The following GON4L variants were observed in gnomAD, a reference collection of about 807,000 sequenced individuals.
GON4L encodes GON-4-like protein.
In GON4L, 87 loss-of-function variants were observed where a neutral mutation model predicts 211.8. That is an observed-to-expected ratio of 0.41 (90% confidence interval 0.35 to 0.49). The LOEUF is 0.49. Ranked by LOEUF, GON4L falls within the 20% of genes least tolerant of loss-of-function variation. GON4L has a pLI of 0.15. For synonymous variants in GON4L, 875 were observed against 962.6 expected, an observed-to-expected ratio of 0.91 and a Z score of 1.68; for missense variants, 2,155 against 2,659.5, an observed-to-expected ratio of 0.81 and a Z score of 4.17.
chr1:155,813,546 A>G, intron 10 of GON4L, 88 bp downstream of exon 10: 1 of 936,992 alleles, frequency 1.1e-6, no homozygotes, highest in Non-Finnish European at 1.7e-6. Flanking sequence ...ATAAAATTGT[A>G]GTTATCTTTT....
intron 3 of GON4L, among the ~76,000 whole-genome samples, chr1:155,823,452 C>A (rs1668905610): frequency 6.6e-6 from 1 of 152,140 alleles, no homozygotes; most frequent in South Asian, 2.1e-4. Flanking sequence ...TATAACTATC[C>A]TCATATATAA....
rs1304509146 is a variant in GON4L, at chr1:155,853,621, C to G, written c.160G>C (p.Gly54Arg). 1 of 1,614,166 alleles carries G rather than the reference C, an allele frequency of 6.2e-7. No homozygotes were observed. The highest frequency in any genetic ancestry group is 1.1e-5 in the South Asian group (1 of 91,092). ...TGTACTTCGAAGCCAGCTACTCTGCCATGACTTGGATCCCAGGATAGTGAC... is the reference window on the plus strand; with the variant it reads ...TGTACTTCGAAGCCAGCTACTCTGCGATGACTTGGATCCCAGGATAGTGAC... ...SVSLSWDPSH[G>R]RVAGFEVQSL... The change falls in exon 2 of 32, where the codon GGC becomes CGC. Residue 54 changes from glycine (G) to arginine (R), a missense_variant. Physicochemically the swap from Gly to Arg is moderately radical, Grantham distance 125. Coordinates refer to ENST00000368331, the MANE Select transcript of GON4L (RefSeq NM_001282860.2).
intron 21 of GON4L, chr1:155,764,500 C>T (rs1272462358): frequency 2.7e-5 from 7 of 259,964 alleles, no homozygotes; most frequent in Admixed American, 5.1e-5. Context: ...AGAGCAATGA[C>T]GTGATCTCGG....
chr1:155,812,709 C>T lies in GON4L; in HGVS notation c.1452+925G>A, dbSNP rs548717754. On this transcript the variant is annotated intron_variant, in intron 10 of 31. Coordinates refer to ENST00000368331, the MANE Select transcript of GON4L (RefSeq NM_001282860.2). ...TAGCTGGGATTACAGGCATGCGCCA[C>T]GACACCTGGCAAATTTTTGTATTTT... Among the ~76,000 whole-genome samples, 3 of 152,138 alleles carry T rather than the reference C, an allele frequency of 2.0e-5. No homozygotes were observed. The East Asian group carries it at 5.8e-4, about 29-fold the overall frequency.
chr1:155,816,893 T>C (rs1232406077), intron 6 of GON4L, among the ~76,000 whole-genome samples: 3 of 151,328 alleles, frequency 2.0e-5, no homozygotes, highest in African/African-American at 7.3e-5. Flanking sequence ...AAAGCAAATA[T>C]GGCAAAATAT....
intron 27 of GON4L, among the ~76,000 whole-genome samples, chr1:155,755,740 A>C (rs11803678): frequency 0.14 from 20,719 of 152,012 alleles, 2,904 homozygotes; most frequent in African/African-American, 0.36. Context: ...TCTCTCTGTG[A>C]CTTCAGCTCT....
intron 11 of GON4L, among the ~76,000 whole-genome samples, chr1:155,799,557 A>G (rs1054511788): frequency 1.3e-5 from 2 of 152,214 alleles, no homozygotes; most frequent in African/African-American, 4.8e-5. Context: ...CCAGACCAGT[A>G]GTTTCCAATC....
intron 2 of GON4L, among the ~76,000 whole-genome samples, chr1:155,844,459 T>TA (rs1478537554): frequency 2.0e-5 from 3 of 152,034 alleles, no homozygotes; most frequent in Non-Finnish European, 2.9e-5. Flanking sequence ...TGGTTGACCA[T>TA]AAAAAACACC....
chr1:155,790,517 C>T (rs1243415506), intron 12 of GON4L, among the ~76,000 whole-genome samples: 2 of 152,158 alleles, frequency 1.3e-5, no homozygotes, highest in African/African-American at 2.4e-5. Flanking sequence ...GCTGGGATTA[C>T]AGATGTTAGC....
intron 2 of GON4L, among the ~76,000 whole-genome samples, chr1:155,849,845 C>A (rs1335161688): frequency 6.6e-6 from 1 of 150,510 alleles, no homozygotes; most frequent in Non-Finnish European, 1.5e-5. Flanking sequence ...TCTCTCCCGG[C>A]TTCCTGAATT....
intron 2 of GON4L, among the ~76,000 whole-genome samples, chr1:155,840,799 G>A (rs900267317): frequency 2.0e-5 from 3 of 152,218 alleles, no homozygotes; most frequent in Non-Finnish European, 4.4e-5. Flanking sequence ...CTGGGAGGCT[G>A]AGGTGGGTGG....
downstream of GON4L, chr1:155,747,060 A>G: frequency 1.2e-6 from 2 of 1,606,546 alleles, no homozygotes; most frequent in Admixed American, 1.7e-5. Flanking sequence ...AGCCAACTCA[A>G]GGAGGATGAA....
At chr1:155,776,879 T>G (rs143614032) in intron 15 of GON4L, among the ~76,000 whole-genome samples, 1 of 152,262 alleles carries the variant, frequency 6.6e-6, no homozygotes, top group South Asian at 2.1e-4. Flanking sequence ...ACCAAGATGT[T>G]TGCAACTTTA....
chr1:155,752,630 C>G (rs993775936), intron 29 of GON4L, 40 bp from the exon 30 acceptor site: 1 of 1,556,616 alleles, frequency 6.4e-7, no homozygotes, highest in Admixed American at 1.9e-5. Flanking sequence ...CTGTCAGGTT[C>G]AAGATGCACC....
At chr1:155,764,692 G>C in intron 21 of GON4L, 1 of 700,444 alleles carries the variant, frequency 1.4e-6, no homozygotes. Context: ...ACCCACCTCA[G>C]CCTCCCAAAG....
At chr1:155,829,752 T>A (rs1669570677) in intron 2 of GON4L, among the ~76,000 whole-genome samples, 1 of 152,194 alleles carries the variant, frequency 6.6e-6, no homozygotes, top group Non-Finnish European at 1.5e-5. Context: ...CTGCTCAGCT[T>A]CTCTTTCTGA....
intron 20 of GON4L, 33 bp downstream of exon 20, chr1:155,767,392 G>GC (rs1460107527): frequency 6.2e-7 from 1 of 1,613,758 alleles, no homozygotes; most frequent in Non-Finnish European, 8.5e-7. Context: ...GTGACCTTCT[G>GC]CCTCCTACAG....
intron 6 of GON4L, among the ~76,000 whole-genome samples, chr1:155,819,560 C>A (rs1355777622): frequency 6.6e-6 from 1 of 151,682 alleles, no homozygotes; most frequent in Non-Finnish European, 1.5e-5. Flanking sequence ...CCAGCCTAGA[C>A]CTGTTTCTTC....
At position 155,853,801 on chromosome 1, in the gene GON4L, TC is replaced by T; in HGVS notation, c.-22del. ...AACATTTTAAAAGTCCCACTTTTGT[TC>T]CATTCTGAAAGAATAAAAAGTTCTT... On this transcript the variant is annotated 5_prime_UTR_variant, in exon 2 of 32. The change abolishes the stop of an existing upstream ORF in the 5' untranslated region. Coordinates refer to ENST00000368331, the MANE Select transcript of GON4L (RefSeq NM_001282860.2). The T allele has an allele frequency of 6.2e-7, 1 of 1,606,766 alleles. No individual in the cohort carries two copies. Among genetic ancestry groups the T allele is most frequent in the Non-Finnish European group, 8.5e-7 (1 of 1,173,638 alleles).
Sources: allele counts gnomAD v4.1 joint callset (sites outside exome capture counted in the v4.1 genomes callset), GRCh38; gene constraint gnomAD v4.1.1; transcripts MANE v1.5; gene names NCBI Gene and HGNC (gene_info 2026-07-23, HGNC 2026-07-21).